Variants in TACR1 observed in about 807,000 individuals in gnomAD.
The protein encoded by TACR1 is substance-P receptor.
TACR1 carries 25 observed loss-of-function variants against 35.8 expected under a neutral mutation model. That is an observed-to-expected ratio of 0.70 (90% CI 0.51 to 0.98). The LOEUF (loss-of-function observed/expected upper bound fraction) is 0.98. TACR1 is among the 50% of genes least tolerant of loss of function. The pLI is 0.00. For missense variants in TACR1, 478 were observed against 522.9 expected, an observed-to-expected ratio of 0.91 and a Z score of 0.84; for synonymous variants, 195 against 206.7, an observed-to-expected ratio of 0.94 and a Z score of 0.48.
intron 2 of TACR1, among the ~76,000 whole-genome samples, chr2:75,058,118 C>T (rs1573459018): frequency 6.6e-6 from 1 of 152,174 alleles, no homozygotes; most frequent in East Asian, 1.9e-4. Context: ...ACCCCATTTA[C>T]ATAGAAATTA....
chr2:75,126,383 G>A (rs1178567229), intron 1 of TACR1, among the ~76,000 whole-genome samples: 1 of 152,074 alleles, frequency 6.6e-6, no homozygotes, highest in Non-Finnish European at 1.5e-5. Flanking sequence ...TAGTAGTACT[G>A]CAGTGAACAT....
chr2:75,198,502 C>T, intron 1 of TACR1, 44 bp downstream of exon 1: 1 of 1,594,926 alleles, frequency 6.3e-7, no homozygotes, highest in Non-Finnish European at 8.6e-7. Context: ...ATGCCGTGGT[C>T]CTCTATGAGC....
chr2:75,060,240 T>C (rs968158731), intron 2 of TACR1, among the ~76,000 whole-genome samples: 93 of 152,164 alleles, frequency 6.1e-4, no homozygotes, highest in African/African-American at 2.2e-3. Flanking sequence ...AGTGGAGACA[T>C]TAAGGAGAGG....
chr2:75,063,587 A>G (rs1672708564), intron 2 of TACR1, among the ~76,000 whole-genome samples: 1 of 152,196 alleles, frequency 6.6e-6, no homozygotes, highest in South Asian at 2.1e-4. Flanking sequence ...TTGCACTTGG[A>G]CCACATACCA....
chr2:75,187,909 G>C (rs1184583526), intron 1 of TACR1: 5 of 152,272 alleles, frequency 3.3e-5, no homozygotes, highest in African/African-American at 1.2e-4. Flanking sequence ...TGATTTGGCA[G>C]GTAATCTAGC....
At chr2:75,084,919 C>G (rs1370067754) in intron 2 of TACR1, among the ~76,000 whole-genome samples, 3 of 152,112 alleles carry the variant, frequency 2.0e-5, no homozygotes, top group Non-Finnish European at 4.4e-5. Context: ...TTTTATGTCT[C>G]TATCTCCTTC....
intron 2 of TACR1, among the ~76,000 whole-genome samples, chr2:75,115,158 G>A (rs1429525481): frequency 6.6e-6 from 1 of 151,038 alleles, no homozygotes; most frequent in Non-Finnish European, 1.5e-5. Context: ...TAATAACATA[G>A]AAATTGTCTA....
intron 1 of TACR1, among the ~76,000 whole-genome samples, chr2:75,177,398 C>T (rs377108013): frequency 1.2e-3 from 183 of 152,288 alleles, no homozygotes; most frequent in African/African-American, 4.4e-3. Context: ...ATAGTTTTCT[C>T]CACTTGCCTC....
chr2:75,059,022 T>C (rs183509819), intron 2 of TACR1, among the ~76,000 whole-genome samples: 2 of 152,334 alleles, frequency 1.3e-5, no homozygotes, highest in East Asian at 3.9e-4. Context: ...CTCTGGGTTC[T>C]CCATCTTTAT....
intron 1 of TACR1, among the ~76,000 whole-genome samples, chr2:75,172,478 G>A (rs752361984): frequency 4.7e-4 from 71 of 152,176 alleles, no homozygotes; most frequent in Non-Finnish European, 8.2e-4. Context: ...GCTGTCCCCC[G>A]TCTAGGCAGC....
At chr2:75,107,610 A>T (rs1205634637) in intron 2 of TACR1, among the ~76,000 whole-genome samples, 2 of 151,988 alleles carry the variant, frequency 1.3e-5, no homozygotes, top group African/African-American at 4.8e-5. Flanking sequence ...TTGGACTTAA[A>T]ATTTTTCTAA....
intron 2 of TACR1, among the ~76,000 whole-genome samples, chr2:75,062,632 T>C (rs1302618507): frequency 6.6e-6 from 1 of 152,218 alleles, no homozygotes; most frequent in Non-Finnish European, 1.5e-5. Flanking sequence ...TATTCAAATA[T>C]GTGTTGTTGC....
At chr2:75,124,283 T>G (rs1572943840) in intron 1 of TACR1, among the ~76,000 whole-genome samples, 2 of 152,224 alleles carry the variant, frequency 1.3e-5, no homozygotes, top group Non-Finnish European at 2.9e-5. Flanking sequence ...GAAAACAATC[T>G]TATTGTGAAA....
At chr2:75,178,383 C>T (rs764198943) in intron 1 of TACR1, among the ~76,000 whole-genome samples, 2 of 152,080 alleles carry the variant, frequency 1.3e-5, no homozygotes, top group African/African-American at 2.4e-5. Flanking sequence ...CGGGGTTTCA[C>T]CATGTTGGCC....
chr2:75,052,865 C>T (rs182959924), intron 3 of TACR1, among the ~76,000 whole-genome samples: 12 of 151,870 alleles, frequency 7.9e-5, no homozygotes, highest in Admixed American at 5.3e-4. Flanking sequence ...TTAAATGTTT[C>T]GTTTTGAACT....
At chr2:75,191,089 G>A (rs1675833387) in intron 1 of TACR1, among the ~76,000 whole-genome samples, 3 of 152,258 alleles carry the variant, frequency 2.0e-5, no homozygotes, top group South Asian at 4.1e-4. Context: ...CTCATCCAGA[G>A]AGCTTCATAT....
intron 2 of TACR1, among the ~76,000 whole-genome samples, chr2:75,105,945 T>A (rs1673635447): frequency 1.3e-5 from 2 of 151,934 alleles, no homozygotes; most frequent in Admixed American, 1.3e-4. Flanking sequence ...TAATGTGGCG[T>A]CCCGGATGGG....
intron 2 of TACR1, among the ~76,000 whole-genome samples, chr2:75,071,460 C>G (rs1378364319): frequency 6.6e-6 from 1 of 152,214 alleles, no homozygotes; most frequent in African/African-American, 2.4e-5. Flanking sequence ...GCTCTCATAT[C>G]CCAGAGTATT....
intron 1 of TACR1, among the ~76,000 whole-genome samples, chr2:75,152,395 A>C (rs938314902): frequency 5.3e-5 from 8 of 152,288 alleles, no homozygotes; most frequent in African/African-American, 1.9e-4. Context: ...AATAAGTCTC[A>C]TGAGATCTGA....
Sources: gnomAD v4.1 joint callset for allele counts (sites outside exome capture counted in the v4.1 genomes callset) on GRCh38, gnomAD v4.1.1 for gene constraint, MANE v1.5 for transcripts, NCBI Gene and HGNC (gene_info 2026-07-23, HGNC 2026-07-21) for gene names.